Variants in ARHGEF10 observed in about 807,000 individuals in gnomAD.
ARHGEF10 encodes the protein Rho guanine nucleotide exchange factor (GEF) 10.
ARHGEF10 carries 140 observed loss-of-function variants against 147.4 expected under a neutral mutation model. The ratio of observed to expected loss-of-function variants is 0.95; its 90% confidence interval spans 0.83 to 1.09. The LOEUF is 1.09. Ranked by LOEUF, ARHGEF10 falls within the 50% of genes least tolerant of loss-of-function variation. ARHGEF10 has a pLI of 0.00. For missense variants in ARHGEF10, 2,222 were observed against 1,752.7 expected, an observed-to-expected ratio of 1.27 and a Z score of -4.78; for synonymous variants, 902 against 695.8, an observed-to-expected ratio of 1.30 and a Z score of -4.67.
At chr8:1,896,712 A>G (rs1195393224) in intron 14 of ARHGEF10, among the ~76,000 whole-genome samples, 1 of 152,248 alleles carries the variant, frequency 6.6e-6, no homozygotes, top group Non-Finnish European at 1.5e-5. Context: ...AGAAGTCAAG[A>G]TCAGATCCCA....
In ARHGEF10 at chr8:1,905,587, G is replaced by C; in HGVS notation, c.1838G>C (p.Ser613Thr). The C allele has an allele frequency of 6.2e-7, 1 of 1,614,220 alleles. No homozygotes were observed. The highest frequency in any genetic ancestry group is 8.5e-7 in the Non-Finnish European group (1 of 1,180,042). Residue 613 changes from serine to threonine, a missense_variant, in exon 17 of 29, where the codon AGC (serine) becomes ACC (threonine). Coordinates refer to ENST00000349830, the MANE Select transcript of ARHGEF10 (RefSeq NM_014629.4). ...RYLNKLLSSG[S>T]RYLIRSDDMI... ...AATGTCCAGCTTCTCAGCAGTGGAAGCCGATACCTCATTCGATCAGATGAT... is the reference window on the plus strand; with the variant it reads ...AATGTCCAGCTTCTCAGCAGTGGAACCCGATACCTCATTCGATCAGATGAT...
At chr8:1,951,930 C>CGGGGTCTTCCCTGTAACCACCGTGAGGT (rs1490848998) in intron 27 of ARHGEF10, among the ~76,000 whole-genome samples, 34,222 of 151,658 alleles carry the variant, frequency 0.23, 4,149 homozygotes, top group South Asian at 0.28. Flanking sequence ...CACCGTGAGG[C>CGGGGTCTTCCCTGTAACCACCGTGAGGT]GGGGTCTTCC....
chr8:1,862,649 G>C (rs567833706), intron 4 of ARHGEF10, among the ~76,000 whole-genome samples: 1 of 152,188 alleles, frequency 6.6e-6, no homozygotes, highest in Non-Finnish European at 1.5e-5. Context: ...ACACCCCCGT[G>C]GGGGAGACAT....
At chr8:1,895,849 G>C (rs753773542) in intron 13 of ARHGEF10, among the ~76,000 whole-genome samples, 2 of 152,130 alleles carry the variant, frequency 1.3e-5, no homozygotes, top group African/African-American at 4.8e-5. Flanking sequence ...TTAGGAAAAC[G>C]AACACGTGTA....
chr8:1,880,957 G>A (rs1171727012), intron 9 of ARHGEF10, among the ~76,000 whole-genome samples: 6 of 152,222 alleles, frequency 3.9e-5, no homozygotes, highest in Admixed American at 3.3e-4. Flanking sequence ...CTCACATGCA[G>A]CATCTGGCTG....
At chr8:1,866,414 T>C (rs1205826679) in intron 5 of ARHGEF10, 112 bp from the exon 6 acceptor site, 2 of 836,944 alleles carry the variant, frequency 2.4e-6, no homozygotes, top group Non-Finnish European at 3.9e-6. Context: ...CATATATATA[T>C]ATATTCTGAC....
intron 7 of ARHGEF10, chr8:1,871,129 A>T (rs1807081830): frequency 6.6e-6 from 1 of 151,678 alleles, no homozygotes; most frequent in Non-Finnish European, 1.5e-5. Context: ...AAAAAAAAAA[A>T]AAAAATCAGT....
intron 18 of ARHGEF10, among the ~76,000 whole-genome samples, chr8:1,912,855 C>G (rs1321202282): frequency 6.6e-6 from 1 of 152,160 alleles, no homozygotes; most frequent in African/African-American, 2.4e-5. Flanking sequence ...CCAGCCTCCC[C>G]GATTGGGACT....
At chr8:1,890,069 C>G (rs1291081048) in intron 11 of ARHGEF10, among the ~76,000 whole-genome samples, 1 of 141,134 alleles carries the variant, frequency 7.1e-6, no homozygotes, top group Non-Finnish European at 1.5e-5. Context: ...TGCGGAGACA[C>G]CGAGTGTGGT....
At chr8:1,864,260 A>G in intron 4 of ARHGEF10, 113 bp from the exon 5 acceptor site, 1 of 1,060,968 alleles carries the variant, frequency 9.4e-7, no homozygotes, top group Non-Finnish European at 1.5e-6. Flanking sequence ...TTATGCTAAG[A>G]TAAGCCTCTG....
chr8:1,928,775 A>T (rs759558301), intron 24 of ARHGEF10, 125 bp downstream of exon 24: 14 of 1,062,180 alleles, frequency 1.3e-5, no homozygotes, highest in Non-Finnish European at 2.0e-5. Flanking sequence ...GAATTAGGGG[A>T]TACCAGGGGA....
At chr8:1,863,254 G>T (rs532918766) in intron 4 of ARHGEF10, among the ~76,000 whole-genome samples, 1 of 152,126 alleles carries the variant, frequency 6.6e-6, no homozygotes, top group African/African-American at 2.4e-5. Context: ...AGCGCTACCC[G>T]CAGATCCACC....
chr8:1,931,676 C>T (rs1243936977), intron 25 of ARHGEF10, among the ~76,000 whole-genome samples: 1 of 152,170 alleles, frequency 6.6e-6, no homozygotes, highest in Non-Finnish European at 1.5e-5. Context: ...GCTTCCTAGC[C>T]CCTCACTGTT....
intron 2 of ARHGEF10, among the ~76,000 whole-genome samples, chr8:1,853,564 G>A (rs771168381): frequency 7.9e-5 from 12 of 152,360 alleles, no homozygotes; most frequent in Middle Eastern, 3.4e-3. Context: ...TTTGAGAAGC[G>A]GGAATTCCTT....
intron 1 of ARHGEF10, among the ~76,000 whole-genome samples, chr8:1,834,272 C>T (rs766499944): frequency 6.6e-6 from 1 of 152,206 alleles, no homozygotes; most frequent in Non-Finnish European, 1.5e-5. Flanking sequence ...GTTATAAAGC[C>T]CTTGCGAGAC....
At position 1,832,358 on chromosome 8, in the gene ARHGEF10, GCAGAGACAGAGA is replaced by G. The variant is rs201841954; in HGVS notation, c.-48+8257_-48+8268del. On this transcript the variant is annotated intron_variant, in intron 1 of 28. Transcript: ENST00000349830. ...CAGAGGGAGAGAGAGACAGAGACAG[GCAGAGACAGAGA>G]CAGAGACAGAGGCAGAGGCAGAGAC... Among the ~76,000 whole-genome samples the G allele has an allele frequency of 7.6e-5, 10 of 132,290 alleles. No homozygotes were observed. In the East Asian group the frequency reaches 1.7e-3, roughly 23 times the overall value. 86.8% of individuals were successfully genotyped at this position (132,290 alleles called of 152,430 possible). A position where few individuals can be genotyped will look rare whatever the true frequency, so the allele number is the denominator to read the frequency against.
intron 1 of ARHGEF10, among the ~76,000 whole-genome samples, chr8:1,841,120 C>T (rs555778547): frequency 1.1e-4 from 16 of 152,368 alleles, no homozygotes; most frequent in Admixed American, 7.2e-4. Context: ...CTGTAGCCTT[C>T]GCGTCAGCCA....
chr8:1,907,171 C>T (rs1810964065), intron 17 of ARHGEF10, among the ~76,000 whole-genome samples: 1 of 152,208 alleles, frequency 6.6e-6, no homozygotes. Context: ...AAGGTGTCTC[C>T]ACCCGTTTCC....
Position 1,902,809 on chromosome 8 carries a change from G to A in ARHGEF10, c.1651-472G>A, listed in dbSNP as rs111297738. Among the ~76,000 whole-genome samples, 389 of 152,312 alleles carry A rather than the reference G, an allele frequency of 2.6e-3. 3 individuals carry two copies. Among genetic ancestry groups the A allele is most frequent in the African/African-American group, 9.1e-3 (379 of 41,576 alleles). On this transcript the variant is annotated intron_variant, in intron 15 of 28. Coordinates refer to ENST00000349830, the MANE Select transcript of ARHGEF10 (RefSeq NM_014629.4). ...CCTAAAATCAGGTTCCTTTGTCACTGTGAGAGAGACTCGATCCTGCTGTGT... is the reference window on the plus strand; with the variant it reads ...CCTAAAATCAGGTTCCTTTGTCACTATGAGAGAGACTCGATCCTGCTGTGT...
Sources: gnomAD v4.1 joint callset for allele counts (sites outside exome capture counted in the v4.1 genomes callset) on GRCh38, gnomAD v4.1.1 for gene constraint, MANE v1.5 for transcripts, NCBI Gene and HGNC (gene_info 2026-07-23, HGNC 2026-07-21) for gene names.